MITF: variants seen among roughly 807,000 people sequenced by gnomAD.
MITF encodes microphthalmia-associated transcription factor.
Under a neutral mutation model 60.5 loss-of-function variants are expected in MITF, and 17 were observed. That is an observed-to-expected ratio of 0.28 (90% CI 0.19 to 0.42). The LOEUF (loss-of-function observed/expected upper bound fraction) is 0.42, where lower values mean the gene tolerates loss of function less well. MITF is among the 10% of genes least tolerant of loss of function. MITF has a pLI of 1.00. For synonymous variants in MITF, 260 were observed against 248.5 expected (o/e 1.05, Z -0.43); for missense variants, 622 against 683.5 (o/e 0.91, Z 1.00).
chr3:69,818,635 T>C (rs890870212), intron 1 of MITF, among the ~76,000 whole-genome samples: 1 of 152,208 alleles, frequency 6.6e-6, no homozygotes, highest in Non-Finnish European at 1.5e-5. Context: ...ATATAAGCAC[T>C]AAATAAATAT....
At chr3:69,793,789 T>C (rs2062783701) in intron 1 of MITF, among the ~76,000 whole-genome samples, 1 of 152,222 alleles carries the variant, frequency 6.6e-6, no homozygotes, top group South Asian at 2.1e-4. Flanking sequence ...TTCACTTAGT[T>C]CCTGTGTACA....
intron 2 of MITF, among the ~76,000 whole-genome samples, chr3:69,918,372 G>A (rs1382228293): frequency 1.3e-5 from 2 of 152,158 alleles, no homozygotes; most frequent in East Asian, 1.9e-4. Flanking sequence ...AATAAGGAAA[G>A]TAATAAAATT....
chr3:69,788,972 A>G (rs1406226826), intron 1 of MITF, among the ~76,000 whole-genome samples: 1 of 152,172 alleles, frequency 6.6e-6, no homozygotes, highest in Non-Finnish European at 1.5e-5. Flanking sequence ...TAAATGTAAG[A>G]CCCAAAACTA....
At chr3:69,766,029 CT>C (rs1368560859) in intron 1 of MITF, among the ~76,000 whole-genome samples, 1 of 152,066 alleles carries the variant, frequency 6.6e-6, no homozygotes, top group Non-Finnish European at 1.5e-5. Flanking sequence ...TATGAGTTAT[CT>C]TTTTAAAAAG....
chr3:69,872,866 G>A (rs2064269824), intron 1 of MITF, among the ~76,000 whole-genome samples: 1 of 152,142 alleles, frequency 6.6e-6, no homozygotes, highest in Non-Finnish European at 1.5e-5. Flanking sequence ...TTCTCCCTAT[G>A]TACTGTGAAA....
chr3:69,953,649 A>G (rs534814921), intron 7 of MITF, among the ~76,000 whole-genome samples: 36 of 132,816 alleles, frequency 2.7e-4, no homozygotes, highest in East Asian at 1.8e-3. Flanking sequence ...ATATGTATGT[A>G]TATATATATA....
At chr3:69,881,453 TAAG>T (rs1011403846) in intron 2 of MITF, among the ~76,000 whole-genome samples, 4 of 152,090 alleles carry the variant, frequency 2.6e-5, no homozygotes, top group Non-Finnish European at 2.9e-5. Context: ...AAGAAACAAA[TAAG>T]AATACACGAT....
intron 1 of MITF, among the ~76,000 whole-genome samples, chr3:69,834,906 G>A (rs528037231): frequency 1.2e-3 from 182 of 147,628 alleles, no homozygotes; most frequent in African/African-American, 4.2e-3. Flanking sequence ...TCTCCCTACG[G>A]CTTTGATTTG....
intron 2 of MITF, among the ~76,000 whole-genome samples, chr3:69,911,378 A>G (rs1333188937): frequency 6.6e-6 from 1 of 152,128 alleles, no homozygotes; most frequent in East Asian, 1.9e-4. Flanking sequence ...ATCATAGCAC[A>G]CTGTGCCTCA....
At position 69,939,984 on chromosome 3, in the gene MITF, T is replaced by C. The variant is rs1044697032; in HGVS notation, c.666+803T>C. Among the ~76,000 whole-genome samples, 3 of 152,344 alleles carry C rather than the reference T, an allele frequency of 2.0e-5. No homozygotes were observed. The South Asian group carries it at 6.2e-4, about 32-fold the overall frequency. On this transcript the variant is annotated intron_variant, in intron 4 of 9. Coordinates refer to ENST00000352241, the MANE Select transcript of MITF (RefSeq NM_001354604.2). ...AAGTGGTGTCAATAGAAATGGAACC[T>C]AACAAACAGTGGATAGTAGTTATTC...
At chr3:69,836,469 AC>A (rs2063542288) in intron 1 of MITF, among the ~76,000 whole-genome samples, 1 of 152,208 alleles carries the variant, frequency 6.6e-6, no homozygotes. Flanking sequence ...ACATCCAGCA[AC>A]CCTAGTACCT....
chr3:69,936,279 G>A (rs1244647156), intron 2 of MITF, among the ~76,000 whole-genome samples: 1 of 152,078 alleles, frequency 6.6e-6, no homozygotes, highest in African/African-American at 2.4e-5. Flanking sequence ...CTCCTCCAAA[G>A]GGGCATTCTG....
intron 1 of MITF, chr3:69,866,238 C>A (rs1417348551): frequency 1.2e-6 from 2 of 1,608,250 alleles, no homozygotes; most frequent in Non-Finnish European, 1.7e-6. Flanking sequence ...CCAGAACTAA[C>A]TTTGACTTTC....
chr3:69,883,247 A>T (rs2064529797), intron 2 of MITF, among the ~76,000 whole-genome samples: 1 of 152,178 alleles, frequency 6.6e-6, no homozygotes, highest in African/African-American at 2.4e-5. Context: ...ATTAGTGATG[A>T]TGCTTGCTGT....
chr3:69,939,239 T>G lies in MITF; in HGVS notation c.666+58T>G. The G allele has an allele frequency of 3.4e-6, 5 of 1,482,138 alleles. No homozygotes were observed. In the South Asian group the frequency reaches 5.8e-5, roughly 17 times the overall value. 91.8% of individuals were successfully genotyped at this position (1,482,138 alleles called of 1,614,324 possible). A position where few individuals can be genotyped will look rare whatever the true frequency, so the allele number is the denominator to read the frequency against. On this transcript the variant is annotated intron_variant, in intron 4 of 9. Coordinates refer to ENST00000352241, the MANE Select transcript of MITF (RefSeq NM_001354604.2). Reference sequence around the variant, plus strand: ...ACTTTGTAATGAGAATCTATATTTGTGGTGGATCACACCTTCCTGAAAACT... The same window carrying G: ...ACTTTGTAATGAGAATCTATATTTGGGGTGGATCACACCTTCCTGAAAACT...
chr3:69,909,049 G>A (rs1004890151), intron 2 of MITF, among the ~76,000 whole-genome samples: 1 of 151,948 alleles, frequency 6.6e-6, no homozygotes. Flanking sequence ...GATACGGCTT[G>A]GCTGTGTCCC....
intron 1 of MITF, among the ~76,000 whole-genome samples, chr3:69,821,347 AG>A (rs2063268151): frequency 6.6e-6 from 1 of 152,110 alleles, no homozygotes; most frequent in Non-Finnish European, 1.5e-5. Flanking sequence ...GAGACATTGA[AG>A]TCTTTGTTTT....
intron 1 of MITF, 156 bp from the exon 2 acceptor site, chr3:69,878,978 C>T: frequency 3.0e-6 from 2 of 671,986 alleles, no homozygotes; most frequent in Non-Finnish European, 5.4e-6. Flanking sequence ...ATCCTGTCAC[C>T]TCTTGATTTT....
chr3:69,936,968 C>A, intron 2 of MITF: 1 of 441,522 alleles, frequency 2.3e-6, no homozygotes, highest in Non-Finnish European at 3.9e-6. Context: ...TTTTTTTTGG[C>A]CTAGTGTGTG....
Sources: gnomAD v4.1 joint callset for allele counts (sites outside exome capture counted in the v4.1 genomes callset) on GRCh38, gnomAD v4.1.1 for gene constraint, MANE v1.5 for transcripts, NCBI Gene and HGNC (gene_info 2026-07-23, HGNC 2026-07-21) for gene names.